Variants in SNX29 observed in about 807,000 individuals in gnomAD.
SNX29 encodes the protein sorting nexin 29, also known as sorting nexin-29.
SNX29 carries 78 observed loss-of-function variants against 102.1 expected under a neutral mutation model. The observed-to-expected ratio is 0.76, with a 90% confidence interval of 0.64 to 0.92. SNX29 has a LOEUF of 0.92. Among genes scored for constraint, SNX29 ranks in the 40% least tolerant of loss-of-function variants. The pLI is 0.00. For missense variants in SNX29, 1,280 were observed against 1,061.7 expected (o/e 1.21, Z -2.86); for synonymous variants, 580 against 414.5 (o/e 1.40, Z -4.85).
At chr16:12,535,096 C>G (rs189504011) in intron 20 of SNX29, among the ~76,000 whole-genome samples, 3 of 152,174 alleles carry the variant, frequency 2.0e-5, no homozygotes, top group African/African-American at 7.2e-5. Context: ...GGAGGAGAAA[C>G]CAACATGTAT....
chr16:12,075,873 G>T (rs1341794183), intron 10 of SNX29, among the ~76,000 whole-genome samples: 1 of 152,214 alleles, frequency 6.6e-6, no homozygotes, highest in Non-Finnish European at 1.5e-5. Context: ...GGCAATGGTG[G>T]GTGCCCCTCC....
In SNX29 at chr16:12,552,105, G is replaced by A. The variant is rs118038603; in HGVS notation, c.2319-16401G>A. Among the ~76,000 whole-genome samples the A allele has an allele frequency of 7.7e-4, 117 of 152,336 alleles. No homozygotes were observed. The East Asian group carries it at 0.02, about 26-fold the overall frequency. ...CTCAACTGTGCTATCCTCAGTGAGT[G>A]TAACCATGGCTGATACGGAAATGCC... On this transcript the variant is annotated intron_variant, in intron 20 of 20. Coordinates refer to ENST00000566228, the MANE Select transcript of SNX29 (RefSeq NM_032167.5).
At position 12,574,239 on chromosome 16, in the gene SNX29, CTT is replaced by C. The variant is rs1321506435; in HGVS notation, c.*5612_*5613del. 1.1e-5 allele frequency: 2 copies of C among 176,802 alleles called. No homozygotes were observed. Among genetic ancestry groups the C allele is most frequent in the Non-Finnish European group, 2.4e-5 (2 of 82,128 alleles). 11.0% of individuals were successfully genotyped at this position (176,802 alleles called of 1,614,324 possible). On this transcript the variant is annotated 3_prime_UTR_variant, in exon 21 of 21. Coordinates refer to ENST00000566228, the MANE Select transcript of SNX29 (RefSeq NM_032167.5). ...GTTACAACCTGGTTGAGATCAACCTCTTTACAATGACACAAATTGTGACATTT... is the reference window on the plus strand; with the variant it reads ...GTTACAACCTGGTTGAGATCAACCTCTACAATGACACAAATTGTGACATTT...
chr16:11,996,195 G>C (rs972240532), intron 1 of SNX29, among the ~76,000 whole-genome samples: 2 of 152,126 alleles, frequency 1.3e-5, no homozygotes, highest in African/African-American at 2.4e-5. Flanking sequence ...CTTGAGTCTG[G>C]GGTGAGACCC....
chr16:12,215,367 A>C (rs2077295087), intron 14 of SNX29, among the ~76,000 whole-genome samples: 1 of 152,040 alleles, frequency 6.6e-6, no homozygotes, highest in Non-Finnish European at 1.5e-5. Flanking sequence ...CTCTGGGCTA[A>C]AGTCCCCTCC....
At position 12,550,133 on chromosome 16, in the gene SNX29, G is replaced by C. The variant is rs145278607; in HGVS notation, c.2319-18373G>C. On this transcript the variant is annotated intron_variant, in intron 20 of 20. Transcript: ENST00000566228. ...AGGCTGATGTACACTCACATGTAAA[G>C]GGAATACCTTCCATACCGCATGTAG... is the stretch of plus-strand genomic sequence containing the variant. Among the ~76,000 whole-genome samples, 674 of 152,298 alleles carry C rather than the reference G, an allele frequency of 4.4e-3. 3 individuals are homozygous for C. The highest frequency in any genetic ancestry group is 0.016 in the African/African-American group (645 of 41,552).
chr16:12,263,893 T>G (rs1179254098), intron 14 of SNX29, among the ~76,000 whole-genome samples: 1 of 152,210 alleles, frequency 6.6e-6, no homozygotes, highest in Non-Finnish European at 1.5e-5. Context: ...ATGGAGTCTT[T>G]GCCCTTTTGA....
chr16:12,074,615 A>G (rs987924538), intron 10 of SNX29, among the ~76,000 whole-genome samples: 2 of 151,644 alleles, frequency 1.3e-5, no homozygotes, highest in African/African-American at 4.8e-5. Flanking sequence ...CTTCATTTCA[A>G]CTTTGGTGAA....
At chr16:12,319,813 G>C (rs1435177905) in intron 15 of SNX29, among the ~76,000 whole-genome samples, 1 of 152,152 alleles carries the variant, frequency 6.6e-6, no homozygotes, top group Non-Finnish European at 1.5e-5. Context: ...TAACTATGGA[G>C]ACTTCAAAGC....
intron 13 of SNX29, among the ~76,000 whole-genome samples, chr16:12,157,536 G>A (rs1196732891): frequency 1.3e-5 from 2 of 152,122 alleles, no homozygotes; most frequent in Non-Finnish European, 2.9e-5. Flanking sequence ...TTTACCTCAG[G>A]CCACTGTGTA....
chr16:12,447,799 G>A (rs112301808), intron 18 of SNX29, among the ~76,000 whole-genome samples: 5,780 of 152,268 alleles, frequency 0.038, 153 homozygotes, highest in Non-Finnish European at 0.052. Flanking sequence ...CCACAAAAGC[G>A]GGAACAGCCC....
In SNX29 at chr16:12,564,461, G is replaced by A. The variant is rs562886066; in HGVS notation, c.2319-4045G>A. Among the ~76,000 whole-genome samples, 11 of 152,340 alleles carry A rather than the reference G, an allele frequency of 7.2e-5. 1 individual carries two copies. In the East Asian group the frequency reaches 1.9e-3, roughly 27 times the overall value. ...ACAGATCAGAAAGCTGTGTTTTGGGGAGGTTATGGATCTTTCTCCAAGGTC... is the reference window on the plus strand; with the variant it reads ...ACAGATCAGAAAGCTGTGTTTTGGGAAGGTTATGGATCTTTCTCCAAGGTC... On this transcript the variant is annotated intron_variant, in intron 20 of 20. Transcript: ENST00000566228.
chr16:12,554,052 C>T (rs959080397), intron 20 of SNX29, among the ~76,000 whole-genome samples: 1 of 152,190 alleles, frequency 6.6e-6, no homozygotes, highest in Non-Finnish European at 1.5e-5. Flanking sequence ...TCTGTAAATC[C>T]TGACCTCAAA....
At chr16:12,553,904 C>T (rs985186877) in intron 20 of SNX29, among the ~76,000 whole-genome samples, 4 of 151,852 alleles carry the variant, frequency 2.6e-5, no homozygotes. Flanking sequence ...AGTGCAGTGG[C>T]ATGATCTCCG....
chr16:12,391,789 T>C (rs2083539246), intron 16 of SNX29, among the ~76,000 whole-genome samples: 1 of 152,220 alleles, frequency 6.6e-6, no homozygotes, highest in Admixed American at 6.5e-5. Context: ...TTCCTGGTGT[T>C]TCCCACTCCA....
intron 18 of SNX29, among the ~76,000 whole-genome samples, chr16:12,460,858 C>G (rs1008930224): frequency 6.6e-6 from 1 of 152,112 alleles, no homozygotes; most frequent in Non-Finnish European, 1.5e-5. Context: ...AGAATTTCGC[C>G]ATGTTGGCCA....
intron 15 of SNX29, among the ~76,000 whole-genome samples, chr16:12,349,263 T>C (rs1184696267): frequency 6.6e-6 from 1 of 152,252 alleles, no homozygotes; most frequent in Non-Finnish European, 1.5e-5. Flanking sequence ...ATAACTGGGA[T>C]TCAGATTTCA....
chr16:12,483,159 C>T (rs974113468), intron 19 of SNX29, among the ~76,000 whole-genome samples: 3 of 110,380 alleles, frequency 2.7e-5, no homozygotes, highest in African/African-American at 7.1e-5. Context: ...CAGCACCTGC[C>T]ATCATGCCTG....
At chr16:12,558,981 T>TTA (rs2078549491) in intron 20 of SNX29, among the ~76,000 whole-genome samples, 1 of 152,172 alleles carries the variant, frequency 6.6e-6, no homozygotes, top group Non-Finnish European at 1.5e-5. Flanking sequence ...TTCAGAGACT[T>TTA]TAAAGAAATT....
Sources: gnomAD v4.1 joint callset for allele counts (sites outside exome capture counted in the v4.1 genomes callset) on GRCh38, gnomAD v4.1.1 for gene constraint, MANE v1.5 for transcripts, NCBI Gene and HGNC (gene_info 2026-07-23, HGNC 2026-07-21) for gene names.